Variants in UVRAG observed in about 807,000 individuals in gnomAD.
UVRAG encodes UV radiation resistance associated, also known as UV radiation resistance-associated gene protein.
UVRAG carries 19 observed loss-of-function variants against 78.0 expected under a neutral mutation model. The observed-to-expected ratio is 0.24, with a 90% confidence interval of 0.17 to 0.36. The LOEUF (loss-of-function observed/expected upper bound fraction) is 0.36, where lower values mean the gene tolerates loss of function less well. Ranked by LOEUF, UVRAG falls within the 10% of genes least tolerant of loss-of-function variation. UVRAG has a pLI of 1.00. For missense variants in UVRAG, 740 were observed against 853.8 expected (o/e 0.87, Z 1.66); for synonymous variants, 323 against 324.6 (o/e 1.00, Z 0.05).
At chr11:76,086,965 AC>A (rs1212252658) in intron 13 of UVRAG, among the ~76,000 whole-genome samples, 2 of 152,210 alleles carry the variant, frequency 1.3e-5, no homozygotes, top group Non-Finnish European at 2.9e-5. Flanking sequence ...AGCTAGTCAT[AC>A]CTTTTTATTG....
At chr11:76,125,833 T>C (rs1327414692) in intron 14 of UVRAG, among the ~76,000 whole-genome samples, 1 of 152,060 alleles carries the variant, frequency 6.6e-6, no homozygotes, top group African/African-American at 2.4e-5. Context: ...ATCACTATTG[T>C]ATTAGCCAGT....
In UVRAG at chr11:76,141,103, A is replaced by G. The variant is rs201846822; in HGVS notation, c.1790A>G (p.Asn597Ser). The change falls in exon 15 of 15, where the codon AAT (asparagine) becomes AGT (serine). Residue 597 changes from asparagine (N) to serine (S), a missense_variant. Asn to Ser is a conservative substitution (Grantham distance 46, BLOSUM62 1). Coordinates refer to ENST00000356136, the MANE Select transcript of UVRAG (RefSeq NM_003369.4). ...EALSGHRATV[N>S]GTLLPSEQAG... is the part of the protein sequence containing the mutation. ...CTCTCCGGGCACCGGGCCACAGTCAATGGCACTCTCCTACCCAGCGAGCAG... is the reference window on the plus strand; with the variant it reads ...CTCTCCGGGCACCGGGCCACAGTCAGTGGCACTCTCCTACCCAGCGAGCAG... The G allele has an allele frequency of 2.4e-5, 39 of 1,614,036 alleles. No homozygotes were observed. The highest frequency in any genetic ancestry group is 1.0e-4 in the Admixed American group (6 of 60,006).
chr11:76,022,532 T>G (rs528945241), intron 12 of UVRAG, among the ~76,000 whole-genome samples: 1 of 152,294 alleles, frequency 6.6e-6, no homozygotes, highest in East Asian at 1.9e-4. Flanking sequence ...TTGGTATATT[T>G]TTGCCTCTTA....
At chr11:75,912,944 C>A (rs1393388631) in intron 6 of UVRAG, among the ~76,000 whole-genome samples, 2 of 152,142 alleles carry the variant, frequency 1.3e-5, no homozygotes, top group Non-Finnish European at 2.9e-5. Context: ...CTAAAGTAAC[C>A]ATATACATTT....
intron 8 of UVRAG, among the ~76,000 whole-genome samples, chr11:75,993,372 C>T (rs1949648262): frequency 6.6e-6 from 1 of 152,152 alleles, no homozygotes. Context: ...TGGTTCTCAA[C>T]TTGTGGTCTA....
intron 6 of UVRAG, among the ~76,000 whole-genome samples, chr11:75,951,651 G>A (rs2135169766): frequency 6.6e-6 from 1 of 152,046 alleles, no homozygotes; most frequent in Middle Eastern, 3.4e-3. Context: ...CAAAGTTCTG[G>A]GATTACAGGC....
chr11:76,029,016 T>A (rs7110746), intron 12 of UVRAG, among the ~76,000 whole-genome samples: 2 of 152,114 alleles, frequency 1.3e-5, no homozygotes, highest in African/African-American at 4.8e-5. Context: ...AAGCTGACTC[T>A]TTTATTAGGG....
At chr11:76,131,432 T>C (rs1362577416) in intron 14 of UVRAG, among the ~76,000 whole-genome samples, 1 of 152,228 alleles carries the variant, frequency 6.6e-6, no homozygotes, top group Non-Finnish European at 1.5e-5. Context: ...CAAAGCCTGG[T>C]GAACTGGATT....
chr11:75,980,380 A>T (rs1398217427), intron 7 of UVRAG, among the ~76,000 whole-genome samples: 1 of 152,056 alleles, frequency 6.6e-6, no homozygotes, highest in African/African-American at 2.4e-5. Context: ...TGCCTAGGCT[A>T]GTCTCCAACT....
At chr11:75,833,253 T>C (rs7108178) in intron 1 of UVRAG, among the ~76,000 whole-genome samples, 31,465 of 152,106 alleles carry the variant, frequency 0.21, 5,306 homozygotes, top group African/African-American at 0.47. Flanking sequence ...CCATTTCCTA[T>C]GTGCCTAAAC....
At chr11:75,862,070 A>G (rs933360342) in intron 3 of UVRAG, among the ~76,000 whole-genome samples, 2 of 152,190 alleles carry the variant, frequency 1.3e-5, no homozygotes, top group Non-Finnish European at 2.9e-5. Flanking sequence ...TGTACCCTAA[A>G]ACTTACAGTA....
At chr11:75,948,277 G>A (rs1257559342) in intron 6 of UVRAG, among the ~76,000 whole-genome samples, 1 of 152,160 alleles carries the variant, frequency 6.6e-6, no homozygotes, top group African/African-American at 2.4e-5. Flanking sequence ...ATTGAAATCT[G>A]TGTTTTAGGA....
intron 8 of UVRAG, among the ~76,000 whole-genome samples, chr11:75,997,261 A>C (rs1029209068): frequency 9.9e-5 from 15 of 152,238 alleles, no homozygotes; most frequent in Non-Finnish European, 2.1e-4. Flanking sequence ...TTTTAACTGT[A>C]ATTTTGACAG....
At chr11:76,062,126 C>T (rs1160970702) in intron 12 of UVRAG, among the ~76,000 whole-genome samples, 1 of 152,170 alleles carries the variant, frequency 6.6e-6, no homozygotes, top group Non-Finnish European at 1.5e-5. Flanking sequence ...TAACTAAGCT[C>T]TGCCTCCATC....
At chr11:75,861,383 G>A (rs1043823486) in intron 2 of UVRAG, among the ~76,000 whole-genome samples, 6 of 152,144 alleles carry the variant, frequency 3.9e-5, no homozygotes, top group African/African-American at 1.2e-4. Context: ...GTAATCATTC[G>A]AGATGTTTGA....
intron 8 of UVRAG, among the ~76,000 whole-genome samples, chr11:75,990,700 T>G (rs1949587919): frequency 6.6e-6 from 1 of 152,208 alleles, no homozygotes; most frequent in Non-Finnish European, 1.5e-5. Flanking sequence ...ACTGGCTCCC[T>G]TCTCTTTCTC....
At chr11:75,862,705 C>T (rs1230052623) in intron 3 of UVRAG, among the ~76,000 whole-genome samples, 2 of 152,144 alleles carry the variant, frequency 1.3e-5, no homozygotes, top group Non-Finnish European at 2.9e-5. Flanking sequence ...AGTTCTCTTT[C>T]CCCAGTCATG....
At chr11:75,965,609 C>T (rs1217272976) in intron 7 of UVRAG, among the ~76,000 whole-genome samples, 1 of 152,160 alleles carries the variant, frequency 6.6e-6, no homozygotes, top group Non-Finnish European at 1.5e-5. Context: ...GCCACCGCGC[C>T]CGGCAGATGT....
At chr11:76,031,839 A>G (rs1013707930) in intron 12 of UVRAG, among the ~76,000 whole-genome samples, 2 of 152,222 alleles carry the variant, frequency 1.3e-5, no homozygotes, top group Non-Finnish European at 2.9e-5. Context: ...CTCCCAACAC[A>G]TCAGTGAGCG....
Sources: allele counts gnomAD v4.1 joint callset (sites outside exome capture counted in the v4.1 genomes callset), GRCh38; gene constraint gnomAD v4.1.1; transcripts MANE v1.5; gene names NCBI Gene and HGNC (gene_info 2026-07-23, HGNC 2026-07-21).